ANKRD30A: variants seen among roughly 807,000 people sequenced by gnomAD.
The protein encoded by ANKRD30A is ankyrin repeat domain 30A.
Under a neutral mutation model 166.3 loss-of-function variants are expected in ANKRD30A, and 170 were observed. That is an observed-to-expected ratio of 1.02 (90% CI 0.90 to 1.16). The LOEUF (loss-of-function observed/expected upper bound fraction) is 1.16. Among genes scored for constraint, ANKRD30A ranks in the 50% most tolerant of loss-of-function variants. The probability of loss-of-function intolerance (pLI) is 0.00; values close to 1 mark genes in which losing one functional copy is unlikely to be tolerated. For synonymous variants in ANKRD30A, 564 were observed against 508.9 expected, an observed-to-expected ratio of 1.11 and a Z score of -1.46; for missense variants, 1,630 against 1,518.0, an observed-to-expected ratio of 1.07 and a Z score of -1.23.
chr10:37,225,419 T>A (rs1014804861), intron 34 of ANKRD30A, among the ~76,000 whole-genome samples: 1 of 151,870 alleles, frequency 6.6e-6, no homozygotes, highest in Middle Eastern at 3.4e-3. Flanking sequence ...TTTTAGAAAT[T>A]ACAGAAAAGA....
the ANKRD30A span, among the ~76,000 whole-genome samples, chr10:37,261,268 G>A: frequency 6.6e-6 from 1 of 152,230 alleles, no homozygotes; most frequent in South Asian, 2.1e-4. Flanking sequence ...GAAAACTGAA[G>A]CTTTGAAATC....
intron 31 of ANKRD30A, among the ~76,000 whole-genome samples, chr10:37,203,103 G>T (rs770114150): frequency 5.9e-5 from 9 of 152,106 alleles, no homozygotes; most frequent in Admixed American, 5.9e-4. Context: ...CCAATCAATA[G>T]AAAAAGAGGG....
chr10:37,179,175 C>G (rs1247308641), intron 24 of ANKRD30A, among the ~76,000 whole-genome samples: 1 of 150,606 alleles, frequency 6.6e-6, no homozygotes, highest in Non-Finnish European at 1.5e-5. Flanking sequence ...GTAAAATTGC[C>G]ATTTTATAAA....
intron 3 of ANKRD30A, among the ~76,000 whole-genome samples, chr10:37,131,039 A>G (rs747809064): frequency 1.3e-5 from 2 of 152,164 alleles, no homozygotes; most frequent in Non-Finnish European, 2.9e-5. Context: ...TAGAATTTAG[A>G]GGACTTTTTA....
intron 13 of ANKRD30A, among the ~76,000 whole-genome samples, chr10:37,157,413 T>A (rs1164119172): frequency 6.6e-6 from 1 of 152,240 alleles, no homozygotes; most frequent in African/African-American, 2.4e-5. Flanking sequence ...TCATCCAGGC[T>A]GGAGTGCAGT....
intron 9 of ANKRD30A, 114 bp downstream of exon 9, chr10:37,147,571 A>C (rs1837597909): frequency 1.7e-6 from 1 of 585,584 alleles, no homozygotes; most frequent in South Asian, 3.2e-5. Context: ...ATAACATCGA[A>C]AAGAGAGGAG....
At chr10:37,195,009 G>A (rs571912039) in intron 27 of ANKRD30A, among the ~76,000 whole-genome samples, 3 of 152,212 alleles carry the variant, frequency 2.0e-5, no homozygotes, top group African/African-American at 7.2e-5. Flanking sequence ...ATTGTGACAT[G>A]TCATGAGTCT....
chr10:37,195,518 T>G (rs1841002904), intron 27 of ANKRD30A, among the ~76,000 whole-genome samples: 1 of 152,186 alleles, frequency 6.6e-6, no homozygotes, highest in Non-Finnish European at 1.5e-5. Flanking sequence ...ACTCCAGCAG[T>G]TTTATATTTA....
chr10:37,203,966 C>T (rs927224177), intron 31 of ANKRD30A, among the ~76,000 whole-genome samples: 9 of 152,112 alleles, frequency 5.9e-5, no homozygotes, highest in Admixed American at 1.3e-4. Flanking sequence ...GAACTATACA[C>T]CACTGCTTAA....
chr10:37,234,931 G>A (rs1341164852), downstream of ANKRD30A, among the ~76,000 whole-genome samples: 61 of 152,118 alleles, frequency 4.0e-4, no homozygotes, highest in Admixed American at 3.9e-3. Flanking sequence ...TGTCATATCA[G>A]AATGTTGAAC....
At chr10:37,190,402 G>T (rs1840447987) in intron 25 of ANKRD30A, among the ~76,000 whole-genome samples, 1 of 151,750 alleles carries the variant, frequency 6.6e-6, no homozygotes, top group Non-Finnish European at 1.5e-5. Context: ...AAGCATCATG[G>T]TGCTCTTAAT....
chr10:37,224,013 C>T (rs1043709194), intron 34 of ANKRD30A, among the ~76,000 whole-genome samples: 1 of 151,048 alleles, frequency 6.6e-6, no homozygotes, highest in African/African-American at 2.4e-5. Flanking sequence ...ACAAGTTTGA[C>T]CTATATCTGC....
chr10:37,139,169 C>T (rs1836929821), intron 6 of ANKRD30A, among the ~76,000 whole-genome samples: 1 of 152,168 alleles, frequency 6.6e-6, no homozygotes, highest in Non-Finnish European at 1.5e-5. Context: ...TACAGACAAG[C>T]AAATGCTGAG....
At chr10:37,228,475 TAATA>T (rs1487210602) in intron 34 of ANKRD30A, among the ~76,000 whole-genome samples, 1 of 152,046 alleles carries the variant, frequency 6.6e-6, no homozygotes, top group Non-Finnish European at 1.5e-5. Flanking sequence ...CCAGATTGAT[TAATA>T]AATACTCAAT....
chr10:37,158,730 T>A, intron 15 of ANKRD30A, 144 bp downstream of exon 15: 1 of 1,315,054 alleles, frequency 7.6e-7, no homozygotes. Context: ...TGAGTATTTC[T>A]GTTTGAGAAA....
chr10:37,216,425 CA>C, intron 32 of ANKRD30A, 31 bp downstream of exon 32: 1 of 1,548,662 alleles, frequency 6.5e-7, no homozygotes, highest in Non-Finnish European at 8.7e-7. Flanking sequence ...ATAAATATTT[CA>C]GCTATTTATA....
intron 34 of ANKRD30A, among the ~76,000 whole-genome samples, chr10:37,220,219 G>A (rs1842839260): frequency 6.7e-6 from 1 of 150,166 alleles, no homozygotes; most frequent in African/African-American, 2.4e-5. Flanking sequence ...TTTTACTGTT[G>A]AAATAAAGGT....
rs759954191 is a variant in ANKRD30A at position 37,134,027 on chromosome 10, T to C, written c.729T>C (p.His243=). The C allele has an allele frequency of 4.3e-6, 7 of 1,614,032 alleles. No homozygotes were observed. Among genetic ancestry groups the C allele is most frequent in the Non-Finnish European group, 3.4e-6 (4 of 1,179,952 alleles). ...AADICGVTAE[H]YAVTCGFHHI... The stretch of plus-strand genomic sequence containing the variant: ...ATATATGTGGAGTAACTGCAGAACA[T>C]TATGCTGTTACTTGTGGATTTCATC... Residue 243 remains histidine, a synonymous_variant, in exon 5 of 36, where the codon CAT becomes CAC. Coordinates refer to ENST00000361713, the MANE Select transcript of ANKRD30A (RefSeq NM_052997.3).
In ANKRD30A at chr10:37,137,409, G is replaced by T. The variant is rs180922604; in HGVS notation, c.820+738G>T. Among the ~76,000 whole-genome samples, 612 of 152,320 alleles carry T rather than the reference G, an allele frequency of 4.0e-3. 3 individuals carry two copies. Among genetic ancestry groups the T allele is most frequent in the Admixed American group, 9.7e-3 (149 of 15,304 alleles). On this transcript the variant is annotated intron_variant, in intron 6 of 35. Coordinates refer to ENST00000361713, the MANE Select transcript of ANKRD30A (RefSeq NM_052997.3). Reference sequence around the variant, plus strand: ...AGTGGGTGCAGCGCACTGAGCATGAGCCGAAGCAGGGCGAGGCATTGCCTC... The same window carrying T: ...AGTGGGTGCAGCGCACTGAGCATGATCCGAAGCAGGGCGAGGCATTGCCTC...
Sources: gnomAD v4.1 joint callset for allele counts (sites outside exome capture counted in the v4.1 genomes callset) on GRCh38, gnomAD v4.1.1 for gene constraint, MANE v1.5 for transcripts, NCBI Gene and HGNC (gene_info 2026-07-23, HGNC 2026-07-21) for gene names.